Variants in LFNG observed in about 807,000 individuals in gnomAD.
The protein encoded by LFNG is LFNG O-fucosylpeptide 3-beta-N-acetylglucosaminyltransferase, also known as beta-1,3-N-acetylglucosaminyltransferase lunatic fringe.
A neutral mutation model predicts 32.7 loss-of-function variants in LFNG; 15 were observed. That is an observed-to-expected ratio of 0.46 (90% CI 0.31 to 0.71). The LOEUF (loss-of-function observed/expected upper bound fraction) is 0.71. LFNG is among the 30% of genes least tolerant of loss of function. The pLI is 0.06. For missense variants in LFNG, 520 were observed against 545.7 expected (o/e 0.95, Z 0.47); for synonymous variants, 274 against 246.8 (o/e 1.11, Z -1.03).
chr7:2,514,925 T>C (rs1031565404), upstream of LFNG, among the ~76,000 whole-genome samples: 1 of 151,954 alleles, frequency 6.6e-6, no homozygotes, highest in Non-Finnish European at 1.5e-5. Flanking sequence ...CATTCACCTA[T>C]CCTTCCATCC....
At chr7:2,528,943 G>A (rs551141738), downstream of LFNG, 20 of 503,700 alleles carry the variant, frequency 4.0e-5, no homozygotes, top group Admixed American at 2.0e-4. Flanking sequence ...CTGGGGAGGC[G>A]CTCAGACTCC....
Position 2,525,182 on chromosome 7 carries a change from G to A in LFNG, c.482-37G>A, listed in dbSNP as rs745663631. 20 of 1,580,434 alleles carry A rather than the reference G, an allele frequency of 1.3e-5. No individual in the cohort carries two copies. The East Asian group carries it at 2.3e-4, about 18-fold the overall frequency. Reference sequence around the variant, plus strand: ...CAGGCCAGGCCCCTCTCTGGGAGCCGGCTCAGACCTACTCACAGCCGCTCC... The same window carrying A: ...CAGGCCAGGCCCCTCTCTGGGAGCCAGCTCAGACCTACTCACAGCCGCTCC... On this transcript the variant is annotated intron_variant, in intron 2 of 7. Coordinates refer to ENST00000222725, the MANE Select transcript of LFNG (RefSeq NM_001040167.2).
chr7:2,523,903 C>T (rs1387297146), intron 1 of LFNG, among the ~76,000 whole-genome samples: 2 of 152,274 alleles, frequency 1.3e-5, no homozygotes, highest in South Asian at 2.1e-4. Flanking sequence ...GCTTGTCCTG[C>T]AGGTCACCCA....
upstream of LFNG, chr7:2,517,854 G>C (rs1445496902): frequency 6.6e-6 from 8 of 1,209,502 alleles, no homozygotes; most frequent in African/African-American, 1.6e-5. Context: ...TCAGCCAGTG[G>C]AGAGCTATGG....
chr7:2,528,107 C>G lies in LFNG; in HGVS notation c.*895C>G, dbSNP rs940545349. The G allele has an allele frequency of 3.0e-6, 3 of 985,332 alleles. No individual in the cohort carries two copies. The African/African-American group carries it at 5.2e-5, about 17-fold the overall frequency. 61.0% of individuals were successfully genotyped at this position (985,332 alleles called of 1,614,324 possible). A position where few individuals can be genotyped will look rare whatever the true frequency, so the allele number is the denominator to read the frequency against. ...GGGGGAGGGTCTTATTTTATCTTAT[C>G]TTTTCTGTGGATCAGAAAAAACAGA... On this transcript the variant is annotated 3_prime_UTR_variant, in exon 8 of 8. Transcript: ENST00000222725.
At position 2,526,830 on chromosome 7, in the gene LFNG, C is replaced by A. The variant is rs767620142; in HGVS notation, c.988-6C>A. ...CTCCCGGCATCACTCCGCCCGCTCC[C>A]CACAGGTGACGCTGAGCTACGGTAT... On this transcript the variant is annotated splice_polypyrimidine_tract_variant and splice_region_variant and intron_variant, in intron 6 of 7. Transcript: ENST00000222725. The surrounding 1 kb of genome is among the most constrained non-coding windows in gnomAD (Gnocchi z 6.9). 2.4e-5 allele frequency: 38 copies of A among 1,612,204 alleles called. No homozygotes were observed. In the South Asian group the frequency reaches 3.7e-4, roughly 16 times the overall value.
In LFNG at chr7:2,520,215, T is replaced by C; in HGVS notation, c.354T>C (p.Ala118=). 6.2e-7 allele frequency: 1 copy of C among 1,607,108 alleles called. No individual in the cohort carries two copies. Among genetic ancestry groups the C allele is most frequent in the Non-Finnish European group, 8.5e-7 (1 of 1,177,476 alleles). ...EPLAPRDVFI[A]VKTTKKFHRA... is the part of the protein sequence containing the mutation. ...TCGCGCCCCGAGACGTCTTCATCGC[T>C]GTCAAGACCACCAAAAAGTTCCACC... The change falls in exon 1 of 8, where the codon GCT becomes GCC. Residue 118 remains alanine (A), a synonymous_variant. Coordinates refer to ENST00000222725, the MANE Select transcript of LFNG (RefSeq NM_001040167.2). This position sits in a 1 kb window ranked among gnomAD's most constrained non-coding sequence, Gnocchi z 5.0.
rs1173992465 is a variant in LFNG, at chr7:2,526,831, C to T, written c.988-5C>T. The T allele has an allele frequency of 1.9e-6, 3 of 1,612,204 alleles. No homozygotes were observed. The highest frequency in any genetic ancestry group is 2.7e-5 in the African/African-American group (2 of 74,832). On this transcript the variant is annotated splice_polypyrimidine_tract_variant and splice_region_variant and intron_variant, in intron 6 of 7. Transcript: ENST00000222725. The surrounding 1 kb of genome is among the most constrained non-coding windows in gnomAD (Gnocchi z 6.9). Reference sequence around the variant, plus strand: ...TCCCGGCATCACTCCGCCCGCTCCCCACAGGTGACGCTGAGCTACGGTATG... The same window carrying T: ...TCCCGGCATCACTCCGCCCGCTCCCTACAGGTGACGCTGAGCTACGGTATG...
In LFNG at chr7:2,525,415, T is replaced by C; in HGVS notation, c.583T>C (p.Trp195Arg). ...YDRFIESGRK[W>R]FCHVDDDNYV... is the part of the protein sequence containing the mutation. The stretch of plus-strand genomic sequence containing the variant: ...CCGATGGCCCTGCCTTGTCCTCAGG[T>C]GGTTCTGCCACGTGGACGATGACAA... Residue 195 changes from tryptophan to arginine, a missense_variant and splice_region_variant, in exon 4 of 8, where the codon TGG becomes CGG. Trp to Arg is a moderately radical substitution (Grantham distance 101). Coordinates refer to ENST00000222725, the MANE Select transcript of LFNG (RefSeq NM_001040167.2). 6.2e-7 allele frequency: 1 copy of C among 1,612,860 alleles called. No individual in the cohort carries two copies. Among genetic ancestry groups the C allele is most frequent in the Non-Finnish European group, 8.5e-7 (1 of 1,179,848 alleles).
intron 2 of LFNG, 145 bp from the exon 3 acceptor site, chr7:2,525,074 G>A (rs1186424697): frequency 5.3e-6 from 4 of 761,528 alleles, no homozygotes; most frequent in East Asian, 2.7e-5. Flanking sequence ...CAAGCCCCGA[G>A]CTAGGGTGGG....
At chr7:2,524,037 G>T (rs1483025964) in intron 1 of LFNG, among the ~76,000 whole-genome samples, 1 of 152,134 alleles carries the variant, frequency 6.6e-6, no homozygotes. Context: ...GGTAATGGGC[G>T]GCGCGGCCAC....
In LFNG at chr7:2,526,871, G is replaced by C. The variant is rs1235393669; in HGVS notation, c.1023G>C (p.Arg341=). Residue 341 remains arginine, a synonymous_variant, in exon 7 of 8, where the codon CGG becomes CGC. Coordinates refer to ENST00000222725, the MANE Select transcript of LFNG (RefSeq NM_001040167.2). This position sits in a 1 kb window ranked among gnomAD's most constrained non-coding sequence, Gnocchi z 6.9. ...GCTACGGTATGTTTGAAAACAAGCGGAACGCCGTCCACGTGAAGGGGCCCT... is the reference window on the plus strand; with the variant it reads ...GCTACGGTATGTTTGAAAACAAGCGCAACGCCGTCCACGTGAAGGGGCCCT... ...TLSYGMFENK[R]NAVHVKGPFS... 6.2e-7 allele frequency: 1 copy of C among 1,612,200 alleles called. No homozygotes were observed. The highest frequency in any genetic ancestry group is 1.7e-5 in the Admixed American group (1 of 59,982).
chr7:2,526,510 G>A lies in LFNG; in HGVS notation c.987+101G>A. 1 of 1,328,052 alleles carries A rather than the reference G, an allele frequency of 7.5e-7. No individual in the cohort carries two copies. Among genetic ancestry groups the A allele is most frequent in the Non-Finnish European group, 1.1e-6 (1 of 946,932 alleles). 82.3% of individuals were successfully genotyped at this position (1,328,052 alleles called of 1,614,324 possible). ...GGGGTGGGGCACTGTTCTAAACAGG[G>A]AGGCCAGGCAGCACTCCACTGTCAG... is the stretch of plus-strand genomic sequence containing the variant. On this transcript the variant is annotated intron_variant, in intron 6 of 7. Transcript: ENST00000222725. The surrounding 1 kb of genome is among the most constrained non-coding windows in gnomAD (Gnocchi z 6.9).
At chr7:2,524,627 G>A (rs1019635629) in intron 1 of LFNG, 68 bp from the exon 2 acceptor site, 47 of 1,471,292 alleles carry the variant, frequency 3.2e-5, no homozygotes, top group South Asian at 1.9e-4. Flanking sequence ...CGCCCCGTCC[G>A]GCCCCCACAG....
upstream of LFNG, among the ~76,000 whole-genome samples, chr7:2,515,012 ATCTG>A (rs1344206464): frequency 3.3e-5 from 5 of 149,472 alleles, no homozygotes; most frequent in South Asian, 2.2e-4. Flanking sequence ...CTGTCCATTC[ATCTG>A]TCTATCCATC....
At chr7:2,514,816 G>GTCCATCCATCCATCCA (rs5881928), upstream of LFNG, among the ~76,000 whole-genome samples, 1 of 111,414 alleles carries the variant, frequency 9.0e-6, no homozygotes, top group South Asian at 3.3e-4. Flanking sequence ...CGGTCTGTCT[G>GTCCATCCATCCATCCA]TCCATCCATC....
intron 1 of LFNG, among the ~76,000 whole-genome samples, chr7:2,522,859 C>T (rs1235530608): frequency 6.6e-6 from 1 of 152,228 alleles, no homozygotes; most frequent in African/African-American, 2.4e-5. Context: ...CCCAGGGGAG[C>T]TCTGTTATGC....
At position 2,526,874 on chromosome 7, in the gene LFNG, C is replaced by A; in HGVS notation, c.1026C>A (p.Asn342Lys). 6.2e-7 allele frequency: 1 copy of A among 1,612,356 alleles called. No homozygotes were observed. The highest frequency in any genetic ancestry group is 8.5e-7 in the Non-Finnish European group (1 of 1,179,918). The change falls in exon 7 of 8, where the codon AAC becomes AAA. Residue 342 changes from asparagine (N) to lysine (K), a missense_variant. This residue lies in a region of LFNG where 150 missense variants were observed against 159.9 expected (regional missense o/e 0.94). Transcript: ENST00000222725. This position sits in a 1 kb window ranked among gnomAD's most constrained non-coding sequence, Gnocchi z 6.9. ...LSYGMFENKR[N>K]AVHVKGPFSV... is the part of the protein sequence containing the mutation. ...ACGGTATGTTTGAAAACAAGCGGAACGCCGTCCACGTGAAGGGGCCCTTCT... is the reference window on the plus strand; with the variant it reads ...ACGGTATGTTTGAAAACAAGCGGAAAGCCGTCCACGTGAAGGGGCCCTTCT...
At position 2,520,318 on chromosome 7, in the gene LFNG, G is replaced by C. The variant is rs759162771; in HGVS notation, c.432+25G>C. The C allele has an allele frequency of 2.5e-6, 4 of 1,597,234 alleles. No homozygotes were observed. The highest frequency in any genetic ancestry group is 3.3e-4 in the Middle Eastern group (2 of 6,014). ...GGTGAGCCCCCCGCGGCCTGGACTG[G>C]CGGGCGAGCGGGGCGGGGACCCACC... On this transcript the variant is annotated intron_variant, in intron 1 of 7. Transcript: ENST00000222725. The surrounding 1 kb of genome is among the most constrained non-coding windows in gnomAD (Gnocchi z 5.0).
Sources: allele counts gnomAD v4.1 joint callset (sites outside exome capture counted in the v4.1 genomes callset), GRCh38; gene constraint gnomAD v4.1.1; regional missense constraint gnomAD v4.1.1; non-coding constraint Gnocchi (gnomAD v3.1); transcripts MANE v1.5; gene names NCBI Gene and HGNC (gene_info 2026-07-23, HGNC 2026-07-21).